Variants in STK3 observed in about 807,000 individuals in gnomAD.
The protein encoded by STK3 is serine/threonine kinase 3.
STK3 carries 41 observed loss-of-function variants against 58.0 expected under a neutral mutation model. The observed-to-expected ratio is 0.71, with a 90% CI of 0.55 to 0.92. STK3 has a LOEUF of 0.92. Ranked by LOEUF, STK3 falls within the 40% of genes least tolerant of loss-of-function variation. The pLI, the probability that STK3 is intolerant of heterozygous loss-of-function variation, is 0.00. For synonymous variants in STK3, 170 were observed against 191.0 expected (o/e 0.89, Z 0.91); for missense variants, 479 against 602.7 (o/e 0.79, Z 2.15).
At chr8:98,600,726 GAA>G (rs571411954) in intron 6 of STK3, among the ~76,000 whole-genome samples, 1 of 149,504 alleles carries the variant, frequency 6.7e-6, no homozygotes, top group African/African-American at 2.5e-5. Flanking sequence ...GAAAACTGAA[GAA>G]AAAAAAAGTC....
intron 3 of STK3, among the ~76,000 whole-genome samples, chr8:98,419,098 C>T (rs533964019): frequency 1.9e-4 from 29 of 152,174 alleles, no homozygotes; most frequent in Non-Finnish European, 4.0e-4. Flanking sequence ...CGGTGGCTCA[C>T]GCCTGAAATC....
intron 3 of STK3, chr8:98,430,955 G>A (rs1162062725): frequency 1.2e-5 from 2 of 167,036 alleles, no homozygotes; most frequent in African/African-American, 4.8e-5. Flanking sequence ...GGGGAACCTG[G>A]GTTCCTCTAT....
intron 6 of STK3, among the ~76,000 whole-genome samples, chr8:98,643,105 T>C (rs1358098983): frequency 6.6e-6 from 1 of 152,130 alleles, no homozygotes; most frequent in Non-Finnish European, 1.5e-5. Flanking sequence ...CACACACCTG[T>C]CGTCTCAGCT....
intron 3 of STK3, among the ~76,000 whole-genome samples, chr8:98,402,072 C>T (rs1410345173): frequency 1.3e-5 from 2 of 152,186 alleles, no homozygotes; most frequent in African/African-American, 4.8e-5. Context: ...ACTATCCTTG[C>T]TGTTCTATAC....
At chr8:98,433,020 G>T (rs1272159948) in intron 3 of STK3, among the ~76,000 whole-genome samples, 1 of 152,168 alleles carries the variant, frequency 6.6e-6, no homozygotes, top group African/African-American at 2.4e-5. Context: ...AAACAAGGAG[G>T]GCATTCAAAG....
chr8:98,609,128 C>T (rs376903335), intron 6 of STK3, among the ~76,000 whole-genome samples: 2 of 152,178 alleles, frequency 1.3e-5, no homozygotes, highest in Non-Finnish European at 2.9e-5. Flanking sequence ...TACTACATCA[C>T]TGATTACCTA....
At chr8:98,490,625 A>G (rs1241550253) in intron 10 of STK3, among the ~76,000 whole-genome samples, 2 of 152,220 alleles carry the variant, frequency 1.3e-5, no homozygotes, top group Non-Finnish European at 2.9e-5. Context: ...AAATCACTGT[A>G]GCATCCAGCA....
chr8:98,459,037 T>C (rs1210514664), intron 10 of STK3, among the ~76,000 whole-genome samples: 1 of 152,156 alleles, frequency 6.6e-6, no homozygotes, highest in African/African-American at 2.4e-5. Context: ...GAGGTTGGAA[T>C]AGTTTGGAGG....
At chr8:98,378,720 C>T (rs1340531542) in intron 2 of STK3, among the ~76,000 whole-genome samples, 4 of 152,108 alleles carry the variant, frequency 2.6e-5, no homozygotes, top group Non-Finnish European at 5.9e-5. Flanking sequence ...AGGCTCCAGT[C>T]CCTTCTCTGG....
At chr8:98,587,713 T>C (rs1241949032) in intron 7 of STK3, among the ~76,000 whole-genome samples, 2 of 152,076 alleles carry the variant, frequency 1.3e-5, no homozygotes, top group Non-Finnish European at 2.9e-5. Context: ...AAGTCTCCCA[T>C]TATTAATGTG....
chr8:98,812,269 T>C (rs10504986), intron 1 of STK3, among the ~76,000 whole-genome samples: 4,616 of 152,328 alleles, frequency 0.03, 104 homozygotes, highest in South Asian at 0.068. Context: ...TAGAAAGTTA[T>C]GTGTTTCTCA....
At chr8:98,410,140 G>T (rs1275600870) in intron 3 of STK3, among the ~76,000 whole-genome samples, 2 of 152,086 alleles carry the variant, frequency 1.3e-5, no homozygotes, top group South Asian at 2.1e-4. Flanking sequence ...AAAACCAGCT[G>T]GCTAAAATCG....
intron 1 of STK3, chr8:98,889,673 C>T (rs1325416710): frequency 6.6e-6 from 1 of 152,148 alleles, no homozygotes; most frequent in Non-Finnish European, 1.5e-5. Context: ...TTACCCTCAA[C>T]GAATGCATTA....
chr8:98,492,790 G>C (rs988079311), intron 10 of STK3, among the ~76,000 whole-genome samples: 5 of 152,148 alleles, frequency 3.3e-5, no homozygotes, highest in African/African-American at 1.2e-4. Flanking sequence ...TTGACCCAGA[G>C]TAACACTTCT....
At chr8:98,459,676 T>C (rs1007139786) in intron 10 of STK3, among the ~76,000 whole-genome samples, 1 of 152,224 alleles carries the variant, frequency 6.6e-6, no homozygotes, top group African/African-American at 2.4e-5. Flanking sequence ...TGTGCAGCCT[T>C]GAGACATGGC....
chr8:98,440,676 A>C (rs1194540600), intron 1 of STK3, among the ~76,000 whole-genome samples: 1 of 152,222 alleles, frequency 6.6e-6, no homozygotes, highest in Non-Finnish European at 1.5e-5. Flanking sequence ...AATTCGGTTA[A>C]GTAACATCTT....
intron 6 of STK3, among the ~76,000 whole-genome samples, chr8:98,650,442 T>G (rs1040348263): frequency 1.3e-5 from 2 of 152,220 alleles, no homozygotes; most frequent in Admixed American, 1.3e-4. Flanking sequence ...TACATTTCCA[T>G]CTGAGGTACC....
At chr8:98,877,932 A>C (rs2131890371) in intron 3 of STK3, among the ~76,000 whole-genome samples, 1 of 152,348 alleles carries the variant, frequency 6.6e-6, no homozygotes, top group Non-Finnish European at 1.5e-5. Flanking sequence ...AGAAATAGTC[A>C]CTGGTCTAAT....
At chr8:98,562,197 GC>G (rs1160619380) in intron 8 of STK3, among the ~76,000 whole-genome samples, 4 of 152,076 alleles carry the variant, frequency 2.6e-5, no homozygotes, top group African/African-American at 9.7e-5. Context: ...CCATACAAAA[GC>G]CAGCATATGA....
Sources: allele counts gnomAD v4.1 joint callset (sites outside exome capture counted in the v4.1 genomes callset), GRCh38; gene constraint gnomAD v4.1.1; transcripts MANE v1.5; gene names NCBI Gene and HGNC (gene_info 2026-07-23, HGNC 2026-07-21).